Variants in MYO7A observed in about 807,000 individuals in gnomAD.
The protein encoded by MYO7A is unconventional myosin-VIIa.
Under a neutral mutation model 263.8 loss-of-function variants are expected in MYO7A, and 210 were observed. The observed-to-expected ratio is 0.80, with a 90% CI of 0.71 to 0.89. The LOEUF (loss-of-function observed/expected upper bound fraction) is 0.89. Among genes scored for constraint, MYO7A ranks in the 40% least tolerant of loss-of-function variants. The probability of loss-of-function intolerance (pLI) is 0.00; values close to 1 mark genes in which losing one functional copy is unlikely to be tolerated. For missense variants in MYO7A, 2,820 were observed against 2,968.3 expected (o/e 0.95, Z 1.16); for synonymous variants, 1,239 against 1,197.3 (o/e 1.03, Z -0.72).
In MYO7A at chr11:77,182,059, G is replaced by A. The variant is rs782471298; in HGVS notation, c.3013G>A (p.Ala1005Thr). 28 of 1,613,336 alleles carry A rather than the reference G, an allele frequency of 1.7e-5. No homozygotes were observed. Among genetic ancestry groups the A allele is most frequent in the South Asian group, 8.8e-5 (8 of 91,080 alleles). Residue 1005 changes from alanine to threonine, a missense_variant, in exon 24 of 49, where the codon GCG becomes ACG. Ala to Thr is a moderately conservative substitution (Grantham distance 58). Transcript: ENST00000409709. ...DLSEYKFAKF[A>T]ATYFQGTTTH... Reference sequence around the variant, plus strand: ...CTCTGAGTATAAATTTGCCAAGTTCGCGGCCACCTACTTCCAGGGGACAAC... The same window carrying A: ...CTCTGAGTATAAATTTGCCAAGTTCACGGCCACCTACTTCCAGGGGACAAC...
Position 77,174,771 on chromosome 11 carries a change from C to A in MYO7A, c.1951C>A (p.Leu651Met), listed in dbSNP as rs1555078841. The A allele has an allele frequency of 6.3e-7, 1 of 1,599,202 alleles. No homozygotes were observed. ...FKKPMLFDRH[L>M]CVRQLRYSGM... is the part of the protein sequence containing the mutation. ...TGCCTGGCAGCTGTTCGACCGGCAC[C>A]TGTGCGTGCGCCAGCTGCGGTACTC... Residue 651 changes from leucine (L) to methionine (M), a missense_variant, in exon 17 of 49, where the codon CTG becomes ATG. By Grantham distance (15) the Leu-to-Met change is conservative (BLOSUM62 2). Transcript: ENST00000409709.
In MYO7A at chr11:77,179,819, A is replaced by G. The variant is rs374547580; in HGVS notation, c.2452A>G (p.Ile818Val). ...GTACCGCCTGGCCCGCCAGCGCATC[A>G]TCCAGTTCCAGGCCCGCTGCCGCGC... ...QQYRLARQRI[I>V]QFQARCRAYL... The change falls in exon 21 of 49, where the codon ATC becomes GTC. Residue 818 changes from isoleucine to valine, a missense_variant. Transcript: ENST00000409709. The G allele has an allele frequency of 1.9e-5, 30 of 1,546,646 alleles. No homozygotes were observed. Among genetic ancestry groups the G allele is most frequent in the Non-Finnish European group, 2.6e-5 (30 of 1,148,210 alleles).
At chr11:77,135,301 G>A (rs1422359779) in intron 2 of MYO7A, among the ~76,000 whole-genome samples, 3 of 152,172 alleles carry the variant, frequency 2.0e-5, no homozygotes, top group Non-Finnish European at 4.4e-5. Context: ...CCTCACATAA[G>A]TGGAATCATA....
chr11:77,156,229 C>A, intron 5 of MYO7A, 138 bp downstream of exon 5: 7 of 913,076 alleles, frequency 7.7e-6, no homozygotes, highest in Non-Finnish European at 1.1e-5. Flanking sequence ...CCTATGTACT[C>A]TGTGCTGTGT....
chr11:77,207,640 T>C (rs1288876414), intron 42 of MYO7A, among the ~76,000 whole-genome samples: 3 of 152,224 alleles, frequency 2.0e-5, no homozygotes, highest in Non-Finnish European at 4.4e-5. Context: ...AGGTGCTCTG[T>C]GTTCTAAAAA....
intron 18 of MYO7A, 111 bp downstream of exon 18, chr11:77,175,575 G>C: frequency 9.6e-7 from 1 of 1,037,748 alleles, no homozygotes; most frequent in South Asian, 1.3e-5. Flanking sequence ...GATCCTTTCT[G>C]CCGGGCTGTG....
intron 33 of MYO7A, 140 bp downstream of exon 33, chr11:77,197,738 G>C: frequency 1.7e-6 from 1 of 599,250 alleles, no homozygotes; most frequent in South Asian, 1.9e-5. Context: ...CAAATTCTCA[G>C]GTACCCCACA....
At chr11:77,142,649 TG>T in intron 2 of MYO7A, 59 bp from the exon 3 acceptor site, 1 of 1,419,722 alleles carries the variant, frequency 7.0e-7, no homozygotes, top group South Asian at 1.2e-5. Context: ...TAGGGCTGCC[TG>T]GAAGGGGCTC....
chr11:77,149,929 C>G (rs960823082), intron 4 of MYO7A, among the ~76,000 whole-genome samples: 21 of 152,144 alleles, frequency 1.4e-4, no homozygotes, highest in Non-Finnish European at 1.5e-5. Context: ...TCACAGGGAC[C>G]CGCTGGTGTC....
intron 3 of MYO7A, among the ~76,000 whole-genome samples, chr11:77,143,650 C>T (rs1951364344): frequency 6.6e-6 from 1 of 152,192 alleles, no homozygotes; most frequent in African/African-American, 2.4e-5. Flanking sequence ...GCAGAGCACA[C>T]AGGGGCAGCT....
intron 46 of MYO7A, chr11:77,212,411 G>A (rs1225186690): frequency 2.8e-6 from 1 of 356,302 alleles, no homozygotes; most frequent in African/African-American, 2.1e-5. Flanking sequence ...GCGAGAGTGG[G>A]CTGTGGAGAG....
rs1591387666 is a variant in MYO7A, at chr11:77,183,282, G to A, written c.3375+125G>A. 23 of 810,804 alleles carry A rather than the reference G, an allele frequency of 2.8e-5. No individual in the cohort carries two copies. In the East Asian group the frequency reaches 6.2e-4, roughly 22 times the overall value. 50.2% of individuals were successfully genotyped at this position (810,804 alleles called of 1,614,324 possible). ...GGAGTGGACACTGTCTGTCCTCAGG[G>A]GTCTTGGCTGGCCAGGGACAGGACA... On this transcript the variant is annotated intron_variant, in intron 26 of 48. Transcript: ENST00000409709.
intron 46 of MYO7A, chr11:77,212,695 G>A (rs908842685): frequency 2.5e-5 from 14 of 560,046 alleles, no homozygotes; most frequent in East Asian, 9.1e-5. Flanking sequence ...GGTCCAGGAG[G>A]CTTTTTAAAG....
intron 5 of MYO7A, 51 bp downstream of exon 5, chr11:77,156,142 C>G: frequency 1.3e-6 from 2 of 1,585,030 alleles, no homozygotes; most frequent in Non-Finnish European, 1.7e-6. Flanking sequence ...CCTAGAGCTC[C>G]AACTGTGCGC....
intron 15 of MYO7A, among the ~76,000 whole-genome samples, chr11:77,170,870 T>C (rs1954025269): frequency 6.6e-6 from 1 of 152,086 alleles, no homozygotes; most frequent in Non-Finnish European, 1.5e-5. Flanking sequence ...GTAGAGCCTG[T>C]AGGATTTGCG....
chr11:77,174,454 C>A (rs1347479374), intron 16 of MYO7A, among the ~76,000 whole-genome samples: 1 of 152,324 alleles, frequency 6.6e-6, no homozygotes, highest in East Asian at 1.9e-4. Flanking sequence ...GAATACTCCC[C>A]CTCCTGTCAG....
At chr11:77,183,705 C>T (rs1955441449) in intron 26 of MYO7A, among the ~76,000 whole-genome samples, 1 of 152,076 alleles carries the variant, frequency 6.6e-6, no homozygotes, top group Non-Finnish European at 1.5e-5. Flanking sequence ...GGCCAGGCCC[C>T]CATCCCCACA....
At chr11:77,159,414 C>T (rs782170930) in intron 9 of MYO7A, 33 bp from the exon 10 acceptor site, 2 of 1,376,276 alleles carry the variant, frequency 1.5e-6, no homozygotes, top group Non-Finnish European at 2.1e-6. Flanking sequence ...CCCACCCTCC[C>T]TCCCCTGATG....
rs727505232 is a variant in MYO7A at position 77,203,055 on chromosome 11, G to C, written c.5169-5G>C. 6.5e-7 allele frequency: 1 copy of C among 1,547,596 alleles called. No homozygotes were observed. The highest frequency in any genetic ancestry group is 1.4e-5 in the African/African-American group (1 of 72,960). On this transcript the variant is annotated splice_region_variant and splice_polypyrimidine_tract_variant and intron_variant, in intron 37 of 48. Transcript: ENST00000409709. Reference sequence around the variant, plus strand: ...GCGTTGCTGACGGTCCCTGTGCTGCGGCAGGCCCCCACCCAAGCACACGCT... The same window carrying C: ...GCGTTGCTGACGGTCCCTGTGCTGCCGCAGGCCCCCACCCAAGCACACGCT...
Sources: gnomAD v4.1 joint callset for allele counts (sites outside exome capture counted in the v4.1 genomes callset) on GRCh38, gnomAD v4.1.1 for gene constraint, MANE v1.5 for transcripts, NCBI Gene and HGNC (gene_info 2026-07-23, HGNC 2026-07-21) for gene names.